SLC20A2: variants seen among roughly 807,000 people sequenced by gnomAD.
SLC20A2 encodes the protein sodium-dependent phosphate transporter 2.
SLC20A2 carries 30 observed loss-of-function variants against 61.0 expected under a neutral mutation model. That is an observed-to-expected ratio of 0.49 (90% CI 0.37 to 0.67). The LOEUF is 0.67. Ranked by LOEUF, SLC20A2 falls within the 30% of genes least tolerant of loss-of-function variation. The pLI, the probability that SLC20A2 is intolerant of heterozygous loss-of-function variation, is 0.00. For missense variants in SLC20A2, 626 were observed against 866.4 expected (o/e 0.72, Z 3.48); for synonymous variants, 351 against 353.3 (o/e 0.99, Z 0.07).
intron 10 of SLC20A2, among the ~76,000 whole-genome samples, chr8:42,425,869 C>T (rs1164050763): frequency 6.6e-6 from 1 of 151,948 alleles, no homozygotes; most frequent in African/African-American, 2.4e-5. Context: ...GGTGAAACCC[C>T]GTCTCTACTA....
chr8:42,489,190 C>T (rs1229411254), intron 1 of SLC20A2, among the ~76,000 whole-genome samples: 4 of 152,116 alleles, frequency 2.6e-5, no homozygotes, highest in Admixed American at 6.5e-5. Flanking sequence ...CCACCCGCTT[C>T]GGCCTCCCAA....
intron 5 of SLC20A2, among the ~76,000 whole-genome samples, chr8:42,447,416 G>A (rs532791891): frequency 1.1e-3 from 165 of 152,028 alleles, no homozygotes; most frequent in Non-Finnish European, 7.6e-4. Flanking sequence ...GGTGGCTCAT[G>A]CCTGTAATCC....
chr8:42,455,115 G>A (rs538405244), intron 5 of SLC20A2, among the ~76,000 whole-genome samples: 54 of 150,466 alleles, frequency 3.6e-4, no homozygotes, highest in African/African-American at 1.3e-3. Flanking sequence ...AGTCCCAGCC[G>A]CTTGGGAGGC....
intron 1 of SLC20A2, among the ~76,000 whole-genome samples, chr8:42,500,815 C>T (rs1196634718): frequency 2.6e-5 from 4 of 151,986 alleles, no homozygotes; most frequent in Non-Finnish European, 5.9e-5. Flanking sequence ...AAGTAAGAAT[C>T]GAAAACTTTT....
At chr8:42,525,737 A>T (rs1811891717) in intron 1 of SLC20A2, among the ~76,000 whole-genome samples, 1 of 152,136 alleles carries the variant, frequency 6.6e-6, no homozygotes, top group Non-Finnish European at 1.5e-5. Context: ...GGATTGGTTA[A>T]ATTATAGTAG....
At chr8:42,527,731 G>A (rs1013536511) in intron 1 of SLC20A2, among the ~76,000 whole-genome samples, 1 of 151,958 alleles carries the variant, frequency 6.6e-6, no homozygotes, top group East Asian at 1.9e-4. Context: ...TCGCGCCACT[G>A]CACTCCAGCT....
At chr8:42,520,008 C>CTTTTT (rs557576151) in intron 1 of SLC20A2, among the ~76,000 whole-genome samples, 10 of 102,660 alleles carry the variant, frequency 9.7e-5, no homozygotes, top group African/African-American at 1.2e-4. Context: ...TTATGCTAAT[C>CTTTTT]TTTTTTTTTT....
chr8:42,423,963 A>G (rs1283945774), intron 10 of SLC20A2, among the ~76,000 whole-genome samples: 1 of 152,218 alleles, frequency 6.6e-6, no homozygotes, highest in Non-Finnish European at 1.5e-5. Flanking sequence ...ATAATCCTAC[A>G]TTTGAAATCA....
At chr8:42,511,836 G>A (rs753720836) in intron 1 of SLC20A2, among the ~76,000 whole-genome samples, 4 of 151,870 alleles carry the variant, frequency 2.6e-5, no homozygotes, top group East Asian at 3.9e-4. Flanking sequence ...ATGAGTGTTC[G>A]TTTTCAAAGT....
chr8:42,473,323 G>A (rs1360885357), intron 1 of SLC20A2, among the ~76,000 whole-genome samples: 4 of 151,988 alleles, frequency 2.6e-5, no homozygotes, highest in African/African-American at 9.7e-5. Context: ...GCCCCGCCAG[G>A]GTCAGGAAGA....
At chr8:42,531,450 A>G (rs1447598572) in intron 1 of SLC20A2, among the ~76,000 whole-genome samples, 1 of 152,204 alleles carries the variant, frequency 6.6e-6, no homozygotes. Flanking sequence ...AAGGGTTTTT[A>G]AGTTGAAAAA....
At chr8:42,489,343 G>C (rs897367622) in intron 1 of SLC20A2, among the ~76,000 whole-genome samples, 8 of 152,086 alleles carry the variant, frequency 5.3e-5, no homozygotes, top group African/African-American at 1.9e-4. Flanking sequence ...GTTTTCTTTA[G>C]TCTTTGAACG....
intron 1 of SLC20A2, among the ~76,000 whole-genome samples, chr8:42,525,865 A>C (rs1401351194): frequency 6.6e-6 from 1 of 152,220 alleles, no homozygotes; most frequent in Non-Finnish European, 1.5e-5. Context: ...CCAACGACAA[A>C]AGCTAGAACA....
At chr8:42,521,511 A>T (rs1288737888) in intron 1 of SLC20A2, among the ~76,000 whole-genome samples, 1 of 120,014 alleles carries the variant, frequency 8.3e-6, no homozygotes, top group Non-Finnish European at 2.0e-5. Flanking sequence ...TCTTCTTGAG[A>T]CAGGGTCTCC....
chr8:42,428,719 AGCGGCCTGGGGAAGGGCTCCC>A lies in SLC20A2; in HGVS notation c.1794+18_1794+38del. 6.3e-7 allele frequency: 1 copy of A among 1,577,100 alleles called. No individual in the cohort carries two copies. Among genetic ancestry groups the A allele is most frequent in the Non-Finnish European group, 8.6e-7 (1 of 1,156,528 alleles). ...GCTCCGGTGGCCCTGGACCTGTCCCAGCGGCCTGGGGAAGGGCTCCCGGCTAGCAGGGGCCTACCTTACAGT... is the reference window on the plus strand; with the variant it reads ...GCTCCGGTGGCCCTGGACCTGTCCCAGGCTAGCAGGGGCCTACCTTACAGT... On this transcript the variant is annotated intron_variant, in intron 10 of 10. Transcript: ENST00000520262.
intron 2 of SLC20A2, among the ~76,000 whole-genome samples, chr8:42,466,366 G>A (rs528450483): frequency 1.1e-4 from 16 of 152,150 alleles, no homozygotes; most frequent in African/African-American, 2.4e-4. Context: ...GATTACATGC[G>A]TGAGGCATTG....
At chr8:42,501,856 G>A (rs1810338734), upstream of SLC20A2, among the ~76,000 whole-genome samples, 1 of 152,224 alleles carries the variant, frequency 6.6e-6, no homozygotes, top group African/African-American at 2.4e-5. Flanking sequence ...ATTGTCCTCT[G>A]TAGGTGACTG....
At position 42,417,937 on chromosome 8, in the gene SLC20A2, G is replaced by A. The variant is rs200340427; in HGVS notation, c.1825C>T (p.Arg609Cys). 8.9e-5 allele frequency: 143 copies of A among 1,612,728 alleles called. No homozygotes were observed. Among genetic ancestry groups the A allele is most frequent in the Non-Finnish European group, 8.5e-5 (100 of 1,179,642 alleles). ...CGCCAGTCCACAGCCTTGCGGGAGC[G>A]GATCCAGCCCACGGCCACCACCGAG... ...VGSVVAVGWI[R>C]SRKAVDWRLF... Residue 609 changes from arginine to cysteine, a missense_variant, in exon 11 of 11, where the codon CGC becomes TGC. Transcript: ENST00000520262.
intron 1 of SLC20A2, among the ~76,000 whole-genome samples, chr8:42,524,373 AT>A (rs1415995535): frequency 6.6e-6 from 1 of 152,122 alleles, no homozygotes; most frequent in Non-Finnish European, 1.5e-5. Context: ...TTTTAACACG[AT>A]TGGCCACAAA....
Sources: allele counts gnomAD v4.1 joint callset (sites outside exome capture counted in the v4.1 genomes callset), GRCh38; gene constraint gnomAD v4.1.1; transcripts MANE v1.5; gene names NCBI Gene and HGNC (gene_info 2026-07-23, HGNC 2026-07-21).